PAPPA: variants seen among roughly 807,000 people sequenced by gnomAD.
PAPPA encodes the protein pappalysin 1, also known as pappalysin-1.
In PAPPA, 60 loss-of-function variants were observed where a neutral mutation model predicts 164.0. The ratio of observed to expected loss-of-function variants is 0.37; its 90% CI spans 0.30 to 0.45. The LOEUF is 0.45. Among genes scored for constraint, PAPPA ranks in the 20% least tolerant of loss-of-function variants. The pLI is 1.00. For missense variants in PAPPA, 1,782 were observed against 2,087.3 expected, an observed-to-expected ratio of 0.85 and a Z score of 2.85; for synonymous variants, 875 against 814.1, an observed-to-expected ratio of 1.07 and a Z score of -1.27.
chr9:116,241,501 T>C (rs1490906862), intron 7 of PAPPA, among the ~76,000 whole-genome samples: 1 of 152,198 alleles, frequency 6.6e-6, no homozygotes, highest in Non-Finnish European at 1.5e-5. Flanking sequence ...GTTTGGAATA[T>C]GAATTTCTTA....
At chr9:116,191,187 T>C (rs1844038362) in intron 2 of PAPPA, among the ~76,000 whole-genome samples, 1 of 152,080 alleles carries the variant, frequency 6.6e-6, no homozygotes, top group Non-Finnish European at 1.5e-5. Flanking sequence ...GTGACTACAG[T>C]GTTGCAATTA....
At position 116,161,307 on chromosome 9, in the gene PAPPA, G is replaced by T. The variant is rs1843662143; in HGVS notation, c.415+6720G>T. Among the ~76,000 whole-genome samples the T allele has an allele frequency of 3.9e-5, 6 of 152,132 alleles. No individual in the cohort carries two copies. In the East Asian group the frequency reaches 1.2e-3, roughly 29 times the overall value. ...TGCTTTATGACCTTGACCATTTACCGCTTCTCTCTGGACCTCAGTGTTCTC... is the reference window on the plus strand; with the variant it reads ...TGCTTTATGACCTTGACCATTTACCTCTTCTCTCTGGACCTCAGTGTTCTC... On this transcript the variant is annotated intron_variant, in intron 1 of 21. Transcript: ENST00000328252.
chr9:116,299,248 C>G (rs747961294), intron 9 of PAPPA, among the ~76,000 whole-genome samples: 3 of 152,026 alleles, frequency 2.0e-5, no homozygotes, highest in Non-Finnish European at 4.4e-5. Context: ...TCTCTCTCTC[C>G]CTTGCTTTCT....
intron 17 of PAPPA, 41 bp from the exon 18 acceptor site, chr9:116,362,551 G>A: frequency 1.3e-6 from 2 of 1,591,444 alleles, no homozygotes; most frequent in Non-Finnish European, 1.7e-6. Flanking sequence ...AATTGGGGCT[G>A]GTGTCTCTCT....
intron 10 of PAPPA, among the ~76,000 whole-genome samples, chr9:116,305,513 C>A (rs1845635658): frequency 6.6e-6 from 1 of 151,838 alleles, no homozygotes; most frequent in African/African-American, 2.4e-5. Context: ...ATTTACACAC[C>A]AAAAGGCCCT....
chr9:116,330,854 G>A (rs928842658), intron 10 of PAPPA, among the ~76,000 whole-genome samples: 2 of 152,004 alleles, frequency 1.3e-5, no homozygotes, highest in Non-Finnish European at 2.9e-5. Flanking sequence ...CACAACTTAA[G>A]GCGTTTGATC....
chr9:116,321,359 C>T (rs935159280), intron 10 of PAPPA, among the ~76,000 whole-genome samples: 14 of 152,184 alleles, frequency 9.2e-5, no homozygotes, highest in Non-Finnish European at 2.1e-4. Context: ...CTGGACCTTC[C>T]TCTGCTCTTA....
intron 11 of PAPPA, 122 bp from the exon 12 acceptor site, chr9:116,332,211 C>A: frequency 1.4e-6 from 1 of 707,828 alleles, no homozygotes; most frequent in Admixed American, 2.4e-5. Flanking sequence ...ATCTTGGACC[C>A]CTGATGAGTA....
intron 7 of PAPPA, among the ~76,000 whole-genome samples, chr9:116,236,862 G>A (rs914908979): frequency 6.6e-5 from 10 of 152,166 alleles, no homozygotes; most frequent in Admixed American, 2.6e-4. Context: ...GTTAGGAAGC[G>A]GTGAAGGTAA....
intron 14 of PAPPA, among the ~76,000 whole-genome samples, chr9:116,345,464 A>AT: frequency 6.7e-6 from 1 of 150,020 alleles, no homozygotes; most frequent in Middle Eastern, 3.5e-3. Flanking sequence ...CATGCCACAG[A>AT]TTTTTTTGTT....
intron 21 of PAPPA, among the ~76,000 whole-genome samples, chr9:116,387,043 G>C (rs3789303): frequency 0.39 from 59,742 of 151,746 alleles, 12,200 homozygotes; most frequent in Non-Finnish European, 0.44. Context: ...CATATCAAGA[G>C]ACAATCCCTT....
chr9:116,398,853 T>G lies in PAPPA; in HGVS notation c.*2237T>G. 1 of 369,240 alleles carries G rather than the reference T, an allele frequency of 2.7e-6. No individual in the cohort carries two copies. Among genetic ancestry groups the G allele is most frequent in the East Asian group, 7.3e-5 (1 of 13,746 alleles). 22.9% of individuals were successfully genotyped at this position (369,240 alleles called of 1,614,324 possible). On this transcript the variant is annotated 3_prime_UTR_variant, in exon 22 of 22. Coordinates refer to ENST00000328252, the MANE Select transcript of PAPPA (RefSeq NM_002581.5). ...TTATTAGCAAGAAATAAGAATAGTA[T>G]TAGAAGAATTGATCCTATTTTGAAC...
intron 20 of PAPPA, among the ~76,000 whole-genome samples, chr9:116,381,586 G>A (rs989917353): frequency 2.0e-5 from 3 of 152,202 alleles, no homozygotes; most frequent in Admixed American, 2.0e-4. Flanking sequence ...CATCTTGGGA[G>A]TGTCCTGGGG....
At chr9:116,251,921 C>T (rs7857720) in intron 7 of PAPPA, among the ~76,000 whole-genome samples, 10,025 of 152,224 alleles carry the variant, frequency 0.066, 1,017 homozygotes, top group African/African-American at 0.22. Context: ...GCTGTTACCT[C>T]GTCCCGGGAT....
At chr9:116,186,711 C>T (rs1164646719) in intron 1 of PAPPA, among the ~76,000 whole-genome samples, 1 of 152,148 alleles carries the variant, frequency 6.6e-6, no homozygotes, top group East Asian at 1.9e-4. Context: ...CCTTTCACCT[C>T]GTATACTATA....
chr9:116,204,621 G>A (rs1406652009), intron 2 of PAPPA, among the ~76,000 whole-genome samples: 1 of 151,832 alleles, frequency 6.6e-6, no homozygotes, highest in Non-Finnish European at 1.5e-5. Flanking sequence ...TCCCTGTGTT[G>A]CCCAAGCTGA....
intron 1 of PAPPA, among the ~76,000 whole-genome samples, chr9:116,176,757 A>G (rs1843840684): frequency 6.6e-6 from 1 of 152,182 alleles, no homozygotes; most frequent in Non-Finnish European, 1.5e-5. Context: ...GCAATATGTG[A>G]TATATTCTTT....
intron 10 of PAPPA, among the ~76,000 whole-genome samples, chr9:116,305,176 C>CAT (rs1554750322): frequency 1.1e-4 from 16 of 149,382 alleles, no homozygotes; most frequent in East Asian, 5.9e-4. Context: ...CACACACACA[C>CAT]GGAGTCTGCA....
chr9:116,283,350 A>G (rs1208594487), intron 9 of PAPPA, among the ~76,000 whole-genome samples: 1 of 152,164 alleles, frequency 6.6e-6, no homozygotes, highest in Non-Finnish European at 1.5e-5. Context: ...ATTTCTGGAC[A>G]GTGGGACTCA....
Sources: allele counts gnomAD v4.1 joint callset (sites outside exome capture counted in the v4.1 genomes callset), GRCh38; gene constraint gnomAD v4.1.1; transcripts MANE v1.5; gene names NCBI Gene and HGNC (gene_info 2026-07-23, HGNC 2026-07-21).